ZFPM2: variants seen among roughly 807,000 people sequenced by gnomAD.
ZFPM2 encodes zinc finger protein ZFPM2.
In ZFPM2, 20 loss-of-function variants were observed where a neutral mutation model predicts 98.6. That is an observed-to-expected ratio of 0.20 (90% CI 0.14 to 0.29). The LOEUF (loss-of-function observed/expected upper bound fraction) is 0.29. Among genes scored for constraint, ZFPM2 ranks in the 10% least tolerant of loss-of-function variants. ZFPM2 has a pLI of 1.00. For synonymous variants in ZFPM2, 518 were observed against 502.7 expected (o/e 1.03, Z -0.41); for missense variants, 1,310 against 1,388.6 (o/e 0.94, Z 0.90).
At chr8:105,511,030 G>C (rs1281416855) in intron 3 of ZFPM2, among the ~76,000 whole-genome samples, 1 of 152,166 alleles carries the variant, frequency 6.6e-6, no homozygotes, top group Non-Finnish European at 1.5e-5. Context: ...AGGCAGTATG[G>C]GACCCCTGAT....
At chr8:105,453,410 G>GTC (rs2130262729) in intron 3 of ZFPM2, among the ~76,000 whole-genome samples, 1 of 152,296 alleles carries the variant, frequency 6.6e-6, no homozygotes, top group Non-Finnish European at 1.5e-5. Flanking sequence ...GGTAGAAAGA[G>GTC]ATTCAGTAAT....
intron 1 of ZFPM2, among the ~76,000 whole-genome samples, chr8:105,360,955 G>A (rs1812847104): frequency 6.8e-6 from 1 of 147,020 alleles, no homozygotes; most frequent in Non-Finnish European, 1.5e-5. Flanking sequence ...TGTCTTTATA[G>A]CAGCATGATT....
Position 105,788,868 on chromosome 8 carries a change from A to G in ZFPM2, c.683A>G (p.Gln228Arg). 1 of 1,613,836 alleles carries G rather than the reference A, an allele frequency of 6.2e-7. No individual in the cohort carries two copies. The highest frequency in any genetic ancestry group is 8.5e-7 in the Non-Finnish European group (1 of 1,179,836). Residue 228 changes from glutamine to arginine, a missense_variant, in exon 6 of 8, where the codon CAG (glutamine) becomes CGG (arginine). By Grantham distance (43) the Gln-to-Arg change is conservative (BLOSUM62 1). Transcript: ENST00000407775. ...CCTGCACGCCTGCTGGACTCAATTC[A>G]GCTGCTTCCTCAGCAAGCTGCCATG... ...MYPARLLDSIQLLPQQAAMAS... is the reference protein window; with the variant it reads ...MYPARLLDSIRLLPQQAAMAS...
chr8:105,502,768 A>G (rs1011661556), intron 3 of ZFPM2, among the ~76,000 whole-genome samples: 1 of 152,202 alleles, frequency 6.6e-6, no homozygotes, highest in Admixed American at 6.5e-5. Context: ...TCCTCTCCAC[A>G]TGACATTCTC....
intron 3 of ZFPM2, among the ~76,000 whole-genome samples, chr8:105,518,604 A>G (rs1813986822): frequency 6.6e-6 from 1 of 152,236 alleles, no homozygotes; most frequent in Non-Finnish European, 1.5e-5. Context: ...CTATAAGCAG[A>G]GAAGAAAAAT....
intron 3 of ZFPM2, among the ~76,000 whole-genome samples, chr8:105,501,046 G>GAA (rs1272054440): frequency 6.6e-6 from 1 of 152,142 alleles, no homozygotes; most frequent in Non-Finnish European, 1.5e-5. Flanking sequence ...GACGTGTAAA[G>GAA]ACAATTGTAC....
At chr8:105,518,184 T>C (rs1041402692) in intron 3 of ZFPM2, among the ~76,000 whole-genome samples, 3 of 152,176 alleles carry the variant, frequency 2.0e-5, no homozygotes, top group African/African-American at 7.2e-5. Context: ...CAGACCACAA[T>C]AGTAACTCAT....
chr8:105,562,681 C>T (rs967668642), intron 4 of ZFPM2, among the ~76,000 whole-genome samples: 6 of 152,166 alleles, frequency 3.9e-5, no homozygotes, highest in Non-Finnish European at 8.8e-5. Flanking sequence ...GTCTTTCGCA[C>T]GTCCACATTC....
intron 5 of ZFPM2, among the ~76,000 whole-genome samples, chr8:105,674,773 TGA>T (rs145777234): frequency 6.6e-6 from 1 of 152,198 alleles, no homozygotes; most frequent in East Asian, 1.9e-4. Context: ...AGCAAGAGAA[TGA>T]GAGAGATTAA....
At chr8:105,395,759 A>G (rs545501161) in intron 1 of ZFPM2, among the ~76,000 whole-genome samples, 3 of 152,336 alleles carry the variant, frequency 2.0e-5, no homozygotes, top group Admixed American at 6.5e-5. Flanking sequence ...TATAACTTCT[A>G]TGAGATAGTA....
At chr8:105,798,991 G>A (rs2131170234) in intron 7 of ZFPM2, 43 bp downstream of exon 7, 7 of 1,524,474 alleles carry the variant, frequency 4.6e-6, no homozygotes, top group East Asian at 2.3e-5. Context: ...AGAAGACTCT[G>A]TTATTTTTAT....
intron 1 of ZFPM2, among the ~76,000 whole-genome samples, chr8:105,404,332 A>AT (rs1237425157): frequency 6.6e-6 from 1 of 151,890 alleles, no homozygotes; most frequent in South Asian, 2.1e-4. Flanking sequence ...CTATTTTAGA[A>AT]TTTTTTTCAT....
intron 3 of ZFPM2, among the ~76,000 whole-genome samples, chr8:105,530,479 G>A (rs1814274308): frequency 6.6e-6 from 1 of 152,104 alleles, no homozygotes; most frequent in Non-Finnish European, 1.5e-5. Flanking sequence ...CCAAGATCAG[G>A]GTGACGTCAT....
At chr8:105,626,505 C>T (rs956003730) in intron 4 of ZFPM2, among the ~76,000 whole-genome samples, 1 of 152,042 alleles carries the variant, frequency 6.6e-6, no homozygotes, top group Non-Finnish European at 1.5e-5. Context: ...GGTCAAATCG[C>T]GTACAGCACC....
At chr8:105,330,569 C>CACAT (rs1453414951) in intron 1 of ZFPM2, among the ~76,000 whole-genome samples, 4 of 52,670 alleles carry the variant, frequency 7.6e-5, no homozygotes, top group East Asian at 5.4e-4. Context: ...TATATATATA[C>CACAT]ATATATATAT....
chr8:105,708,514 C>T (rs1483972416), intron 5 of ZFPM2, among the ~76,000 whole-genome samples: 2 of 152,130 alleles, frequency 1.3e-5, no homozygotes, highest in Non-Finnish European at 2.9e-5. Context: ...ACTGCACCCT[C>T]AAGCTCCTGG....
chr8:105,705,397 G>C (rs1486267095), intron 5 of ZFPM2, among the ~76,000 whole-genome samples: 3 of 151,962 alleles, frequency 2.0e-5, no homozygotes, highest in Non-Finnish European at 2.9e-5. Context: ...ATTTCTGTTG[G>C]GGTTTGACCA....
intron 5 of ZFPM2, among the ~76,000 whole-genome samples, chr8:105,771,772 A>G (rs1230280447): frequency 3.9e-5 from 6 of 152,172 alleles, no homozygotes; most frequent in Non-Finnish European, 8.8e-5. Context: ...TTTTCAAAGC[A>G]CAGGGCAGAG....
chr8:105,778,583 G>A (rs1813165078), intron 5 of ZFPM2, among the ~76,000 whole-genome samples: 1 of 152,070 alleles, frequency 6.6e-6, no homozygotes, highest in African/African-American at 2.4e-5. Context: ...GTGCCTACAA[G>A]AGATCATGAT....
Sources: gnomAD v4.1 joint callset for allele counts (sites outside exome capture counted in the v4.1 genomes callset) on GRCh38, gnomAD v4.1.1 for gene constraint, MANE v1.5 for transcripts, NCBI Gene and HGNC (gene_info 2026-07-23, HGNC 2026-07-21) for gene names.